Variants in PCDHA7 observed in about 807,000 individuals in gnomAD.
The protein encoded by PCDHA7 is protocadherin alpha-7.
In PCDHA7, 37 loss-of-function variants were observed where a neutral mutation model predicts 57.2. The ratio of observed to expected loss-of-function variants is 0.65; its 90% CI spans 0.50 to 0.85. The LOEUF (loss-of-function observed/expected upper bound fraction) is 0.85. Ranked by LOEUF, PCDHA7 falls within the 40% of genes least tolerant of loss-of-function variation. PCDHA7 has a pLI of 0.00. For synonymous variants in PCDHA7, 553 were observed against 558.8 expected, an observed-to-expected ratio of 0.99 and a Z score of 0.15; for missense variants, 1,188 against 1,241.8, an observed-to-expected ratio of 0.96 and a Z score of 0.65.
intron 1 of PCDHA7, chr5:140,842,775 A>T (rs1778262095): frequency 6.3e-7 from 1 of 1,594,430 alleles, no homozygotes; most frequent in Non-Finnish European, 8.6e-7. Flanking sequence ...GCGGACGCGC[A>T]GGAGAACGCG....
In PCDHA7 at chr5:140,908,379, G is replaced by A. The variant is rs553504980; in HGVS notation, c.2356-70570G>A. Among the ~76,000 whole-genome samples the A allele has an allele frequency of 7.2e-5, 11 of 152,198 alleles. No individual in the cohort carries two copies. In the South Asian group the frequency reaches 1.2e-3, roughly 17 times the overall value. On this transcript the variant is annotated intron_variant, in intron 1 of 3. Coordinates refer to ENST00000525929, the MANE Select transcript of PCDHA7 (RefSeq NM_018910.3). ...TTACTTGTGCCTTCAGGACCTGCTC[G>A]AGCCCGATCACATATATACCACTTC...
At chr5:140,862,093 G>C (rs1554155665) in intron 1 of PCDHA7, 1 of 156,518 alleles carries the variant, frequency 6.4e-6, no homozygotes, top group African/African-American at 2.4e-5. Flanking sequence ...GCCCTTTTTC[G>C]CATAGATTCA....
At chr5:140,960,440 T>C (rs1304890095) in intron 1 of PCDHA7, among the ~76,000 whole-genome samples, 1 of 152,164 alleles carries the variant, frequency 6.6e-6, no homozygotes, top group Admixed American at 6.5e-5. Flanking sequence ...ACTCTAGATA[T>C]ATGTATGGAT....
intron 3 of PCDHA7, 123 bp from the exon 4 acceptor site, chr5:141,009,504 A>G: frequency 1.3e-6 from 2 of 1,497,074 alleles, no homozygotes; most frequent in Non-Finnish European, 1.8e-6. Flanking sequence ...ACTTGAACAA[A>G]CAACTCGTGA....
intron 1 of PCDHA7, chr5:140,851,075 A>C: frequency 7.4e-7 from 1 of 1,344,688 alleles, no homozygotes; most frequent in South Asian, 2.1e-5. Flanking sequence ...GAGAATTATA[A>C]ACTGTATATT....
intron 1 of PCDHA7, chr5:140,843,536 C>G: frequency 6.3e-7 from 1 of 1,595,956 alleles, no homozygotes; most frequent in Non-Finnish European, 8.6e-7. Context: ...CAAGCCCACT[C>G]TGGTGTGCTC....
intron 1 of PCDHA7, chr5:140,868,711 A>G (rs2050603151): frequency 1.1e-5 from 2 of 187,754 alleles, no homozygotes; most frequent in Non-Finnish European, 2.2e-5. Flanking sequence ...AGACACAATA[A>G]TTTAAATTTG....
At chr5:140,908,661 G>C (rs530751435) in intron 1 of PCDHA7, among the ~76,000 whole-genome samples, 9 of 152,306 alleles carry the variant, frequency 5.9e-5, no homozygotes, top group African/African-American at 2.2e-4. Flanking sequence ...GCCTGCCAAA[G>C]GCTCCAAATA....
chr5:140,846,963 T>C (rs1458103794), intron 1 of PCDHA7, among the ~76,000 whole-genome samples: 3 of 149,600 alleles, frequency 2.0e-5, no homozygotes, highest in African/African-American at 7.3e-5. Context: ...TGTGTTTCAG[T>C]GGTTTTAAAA....
chr5:140,902,142 A>T (rs2069127125), intron 1 of PCDHA7, among the ~76,000 whole-genome samples: 1 of 151,120 alleles, frequency 6.6e-6, no homozygotes, highest in African/African-American at 2.4e-5. Flanking sequence ...GCAAACAAGG[A>T]TAATTTGATT....
Position 140,836,653 on chromosome 5 carries a change from G to C in PCDHA7, c.2270G>C (p.Arg757Thr), listed in dbSNP as rs2150266924. Residue 757 changes from arginine (R) to threonine (T), a missense_variant, in exon 1 of 4, where the codon AGG becomes ACG. Transcript: ENST00000525929. The stretch of plus-strand genomic sequence containing the variant: ...TCATTCTCCCAGCAGAGGCGGCAGA[G>C]GGTGTGCTCTGGGGAGGGCCCACCC... Reference protein sequence around the residue: ...SWSFSQQRRQRVCSGEGPPKT... With the variant: ...SWSFSQQRRQTVCSGEGPPKT... The C allele has an allele frequency of 6.2e-7, 1 of 1,613,508 alleles. No homozygotes were observed. Among genetic ancestry groups the C allele is most frequent in the East Asian group, 2.2e-5 (1 of 44,850 alleles).
At chr5:140,886,107 G>T (rs1340579685) in intron 1 of PCDHA7, among the ~76,000 whole-genome samples, 2 of 152,142 alleles carry the variant, frequency 1.3e-5, no homozygotes, top group Non-Finnish European at 2.9e-5. Flanking sequence ...ATACAGTAAA[G>T]AAGTAACATA....
intron 1 of PCDHA7, among the ~76,000 whole-genome samples, chr5:140,941,202 C>CCTTTCTTCCTTTCTTTCTTTCTTTCTTT (rs1394736170): frequency 6.0e-4 from 74 of 122,806 alleles, no homozygotes; most frequent in Middle Eastern, 4.2e-3. Flanking sequence ...TTTCTTTCTT[C>CCTTTCTTCCTTTCTTTCTTTCTTTCTTT]CTTTCTTTCT....
chr5:140,873,995 G>A (rs1218409385), intron 1 of PCDHA7, among the ~76,000 whole-genome samples: 9 of 152,284 alleles, frequency 5.9e-5, no homozygotes, highest in African/African-American at 2.2e-4. Context: ...AGCATGTATG[G>A]TACATTGACC....
intron 3 of PCDHA7, among the ~76,000 whole-genome samples, chr5:140,986,982 G>A (rs782173410): frequency 3.9e-5 from 6 of 152,164 alleles, no homozygotes; most frequent in Non-Finnish European, 8.8e-5. Context: ...GGGAGGCCAA[G>A]GCAGGCAGAT....
intron 2 of PCDHA7, among the ~76,000 whole-genome samples, chr5:140,979,642 A>G (rs1364696351): frequency 2.0e-5 from 3 of 152,188 alleles, no homozygotes; most frequent in South Asian, 2.1e-4. Flanking sequence ...ATTAAATATA[A>G]TTTTGCTTTC....
chr5:140,882,303 G>A, intron 1 of PCDHA7: 1 of 1,613,824 alleles, frequency 6.2e-7, no homozygotes. Context: ...CCAAGACCGC[G>A]GCAACTACTG....
At position 140,968,051 on chromosome 5, in the gene PCDHA7, C is replaced by A. The variant is rs1353005851; in HGVS notation, c.2356-10898C>A. On this transcript the variant is annotated intron_variant, in intron 1 of 3. Transcript: ENST00000525929. ...ACTGGTGGTGAGCGGCCCACTGGACCGAGAGCGGGTGGCTGTCTACAACAT... is the reference window on the plus strand; with the variant it reads ...ACTGGTGGTGAGCGGCCCACTGGACAGAGAGCGGGTGGCTGTCTACAACAT... The A allele has an allele frequency of 1.9e-6, 3 of 1,614,018 alleles. No homozygotes were observed. The Admixed American group carries it at 5.0e-5, about 27-fold the overall frequency.
intron 3 of PCDHA7, among the ~76,000 whole-genome samples, chr5:141,004,044 T>G (rs2098148933): frequency 6.6e-6 from 1 of 152,234 alleles, no homozygotes; most frequent in African/African-American, 2.4e-5. Context: ...ATTGATCATT[T>G]GCTGATACTG....
Sources: gnomAD v4.1 joint callset for allele counts (sites outside exome capture counted in the v4.1 genomes callset) on GRCh38, gnomAD v4.1.1 for gene constraint, MANE v1.5 for transcripts, NCBI Gene and HGNC (gene_info 2026-07-23, HGNC 2026-07-21) for gene names.